RFTN1: variants seen among roughly 807,000 people sequenced by gnomAD.
RFTN1 encodes the protein raftlin.
RFTN1 carries 26 observed loss-of-function variants against 46.5 expected under a neutral mutation model. The observed-to-expected ratio is 0.56, with a 90% CI of 0.41 to 0.78. The LOEUF (loss-of-function observed/expected upper bound fraction) is 0.78. Among genes scored for constraint, RFTN1 ranks in the 30% least tolerant of loss-of-function variants. RFTN1 has a pLI of 0.00. For synonymous variants in RFTN1, 261 were observed against 284.2 expected, an observed-to-expected ratio of 0.92 and a Z score of 0.82; for missense variants, 693 against 718.7, an observed-to-expected ratio of 0.96 and a Z score of 0.41.
At position 16,374,644 on chromosome 3, in the gene RFTN1, C is replaced by T. The variant is rs2073673658; in HGVS notation, c.826+3074G>A. Reference sequence around the variant, plus strand: ...GGTAGGAAGGGCAGTGCTTGGAAGACTTGTTATTTTGGTGACGGTGAGAAT... The same window carrying T: ...GGTAGGAAGGGCAGTGCTTGGAAGATTTGTTATTTTGGTGACGGTGAGAAT... On this transcript the variant is annotated intron_variant, in intron 5 of 9. Transcript: ENST00000334133. This position sits in a 1 kb window ranked among gnomAD's most constrained non-coding sequence, Gnocchi z 5.4. Among the ~76,000 whole-genome samples the T allele has an allele frequency of 6.6e-6, 1 of 152,186 alleles. No homozygotes were observed. The highest frequency in any genetic ancestry group is 1.5e-5 in the Non-Finnish European group (1 of 68,030).
At chr3:16,350,857 G>C (rs1178083958) in intron 7 of RFTN1, among the ~76,000 whole-genome samples, 2 of 152,164 alleles carry the variant, frequency 1.3e-5, no homozygotes, top group Non-Finnish European at 2.9e-5. Context: ...AGAAACTGTG[G>C]CAATAGAAGA....
chr3:16,326,808 G>A lies in RFTN1; in HGVS notation c.1215C>T (p.Thr405=). 1 of 1,614,096 alleles carries A rather than the reference G, an allele frequency of 6.2e-7. No homozygotes were observed. The highest frequency in any genetic ancestry group is 8.5e-7 in the Non-Finnish European group (1 of 1,179,992). The change falls in exon 8 of 10, where the codon ACC becomes ACT. Residue 405 remains threonine (T), a synonymous_variant. Transcript: ENST00000334133. ...NSLAAYGWQL[T]CVLPTPVVKT... is the part of the protein sequence containing the mutation. ...TGACGACGGGAGTTGGTAGCACACA[G>A]GTGAGCTGCCAGCCATAGGCCGCCA...
At chr3:16,477,622 C>T (rs758825672) in intron 2 of RFTN1, among the ~76,000 whole-genome samples, 6 of 152,210 alleles carry the variant, frequency 3.9e-5, no homozygotes, top group Admixed American at 6.5e-5. Flanking sequence ...TTACCACTGA[C>T]GGCAGCGACC....
At chr3:16,392,012 C>T (rs1864259) in intron 4 of RFTN1, among the ~76,000 whole-genome samples, 24,539 of 151,066 alleles carry the variant, frequency 0.16, 2,243 homozygotes, top group East Asian at 0.3. Context: ...AATTCTGGAA[C>T]TGGGTTTAAA....
chr3:16,502,625 G>A (rs892730891), intron 1 of RFTN1, among the ~76,000 whole-genome samples: 1 of 152,192 alleles, frequency 6.6e-6, no homozygotes, highest in African/African-American at 2.4e-5. Flanking sequence ...TCGTTCTGGG[G>A]GAAGCCAGCT....
intron 2 of RFTN1, among the ~76,000 whole-genome samples, chr3:16,469,101 T>C (rs1367004694): frequency 6.6e-6 from 1 of 152,244 alleles, no homozygotes. Context: ...ACAGGTTACA[T>C]GTGAAAAATA....
At chr3:16,508,520 A>G (rs1399165322) in intron 1 of RFTN1, among the ~76,000 whole-genome samples, 1 of 152,212 alleles carries the variant, frequency 6.6e-6, no homozygotes, top group Non-Finnish European at 1.5e-5. Flanking sequence ...AGAGCAAGGA[A>G]TTAGCCGGGT....
intron 1 of RFTN1, among the ~76,000 whole-genome samples, chr3:16,495,635 G>A (rs935548100): frequency 6.6e-6 from 1 of 152,244 alleles, no homozygotes; most frequent in Non-Finnish European, 1.5e-5. Flanking sequence ...AAGAGCAAAG[G>A]CATGGAGGCA....
intron 2 of RFTN1, among the ~76,000 whole-genome samples, chr3:16,439,495 T>C (rs1317229856): frequency 6.6e-6 from 1 of 152,240 alleles, no homozygotes; most frequent in East Asian, 1.9e-4. Context: ...GGATGGGCAA[T>C]TGCAAAAGGC....
At position 16,433,668 on chromosome 3, in the gene RFTN1, C is replaced by T. The variant is rs971065324; in HGVS notation, c.332+183G>A. The stretch of plus-strand genomic sequence containing the variant: ...AGTTGGACATGCATTTGTTTTTCAT[C>T]GCAGGATGCTAGGAAAGAAACCTCT... On this transcript the variant is annotated intron_variant, in intron 3 of 9. Transcript: ENST00000334133. This position sits in a 1 kb window ranked among gnomAD's most constrained non-coding sequence, Gnocchi z 4.4. Among the ~76,000 whole-genome samples, 1 of 152,168 alleles carries T rather than the reference C, an allele frequency of 6.6e-6. No individual in the cohort carries two copies. The highest frequency in any genetic ancestry group is 2.4e-5 in the African/African-American group (1 of 41,440).
chr3:16,406,736 T>C (rs1195871495), intron 4 of RFTN1, among the ~76,000 whole-genome samples: 1 of 152,214 alleles, frequency 6.6e-6, no homozygotes, highest in East Asian at 1.9e-4. Context: ...CCAATTTTCT[T>C]CTCAAGGTTA....
At chr3:16,330,532 GC>G (rs750565791) in intron 7 of RFTN1, among the ~76,000 whole-genome samples, 1 of 152,154 alleles carries the variant, frequency 6.6e-6, no homozygotes, top group Non-Finnish European at 1.5e-5. Flanking sequence ...TCAAAAGCCA[GC>G]CTGCTTATCA....
At position 16,422,917 on chromosome 3, in the gene RFTN1, A is replaced by C. The variant is rs1448223353; in HGVS notation, c.332+10934T>G. On this transcript the variant is annotated intron_variant, in intron 3 of 9. Coordinates refer to ENST00000334133, the MANE Select transcript of RFTN1 (RefSeq NM_015150.2). This position sits in a 1 kb window ranked among gnomAD's most constrained non-coding sequence, Gnocchi z 4.6. ...TGCAGTGGCTCACGCCTGTAATCCC[A>C]GCACTTTGGGAGGCCGAAGTGGGTG... is the stretch of plus-strand genomic sequence containing the variant. Among the ~76,000 whole-genome samples, 2 of 152,146 alleles carry C rather than the reference A, an allele frequency of 1.3e-5. No individual in the cohort carries two copies. The highest frequency in any genetic ancestry group is 2.9e-5 in the Non-Finnish European group (2 of 68,020).
chr3:16,454,611 G>A (rs2075874122), intron 2 of RFTN1, among the ~76,000 whole-genome samples: 1 of 152,184 alleles, frequency 6.6e-6, no homozygotes, highest in African/African-American at 2.4e-5. Context: ...TGGGGGAATT[G>A]GGTAGATGGA....
rs1443881628 is a variant in RFTN1, at chr3:16,337,846, A to C, written c.1147-10970T>G. Among the ~76,000 whole-genome samples, 3 of 152,122 alleles carry C rather than the reference A, an allele frequency of 2.0e-5. No homozygotes were observed. The East Asian group carries it at 5.8e-4, about 29-fold the overall frequency. ...GTGTTCCTAATTTGTCACCACACTC[A>C]AGGCTGGCACACCTAGCCCTTATTT... On this transcript the variant is annotated intron_variant, in intron 7 of 9. Coordinates refer to ENST00000334133, the MANE Select transcript of RFTN1 (RefSeq NM_015150.2). The surrounding 1 kb of genome is among the most constrained non-coding windows in gnomAD (Gnocchi z 5.0).
In RFTN1 at chr3:16,370,323, G is replaced by A. The variant is rs1344455228; in HGVS notation, c.827-44C>T. On this transcript the variant is annotated intron_variant, in intron 5 of 9. Coordinates refer to ENST00000334133, the MANE Select transcript of RFTN1 (RefSeq NM_015150.2). This position sits in a 1 kb window ranked among gnomAD's most constrained non-coding sequence, Gnocchi z 5.5. ...GGAGTGGAGAGAGAAGAGGTCAACT[G>A]ATGATAAAAATCTGTTTCATCGGCT... The A allele has an allele frequency of 1.3e-6, 2 of 1,581,180 alleles. No individual in the cohort carries two copies. Among genetic ancestry groups the A allele is most frequent in the African/African-American group, 2.7e-5 (2 of 74,210 alleles).
At chr3:16,495,894 G>C (rs2076617548) in intron 1 of RFTN1, among the ~76,000 whole-genome samples, 1 of 152,262 alleles carries the variant, frequency 6.6e-6, no homozygotes, top group Admixed American at 6.5e-5. Flanking sequence ...GTATGTGGCA[G>C]TGCTGCTTCA....
Position 16,321,429 on chromosome 3 carries a change from C to T in RFTN1, c.1332+1947G>A, listed in dbSNP as rs183481212. On this transcript the variant is annotated intron_variant, in intron 9 of 9. Transcript: ENST00000334133. This position sits in a 1 kb window ranked among gnomAD's most constrained non-coding sequence, Gnocchi z 4.8. Reference sequence around the variant, plus strand: ...AGGGAGTGGGGGTGGTCCCAACATCCGGGCTGCAAGAGCTCAGGCATGATG... The same window carrying T: ...AGGGAGTGGGGGTGGTCCCAACATCTGGGCTGCAAGAGCTCAGGCATGATG... 3.8e-4 allele frequency among the ~76,000 whole-genome samples: 58 copies of T among 152,204 alleles called. No homozygotes were observed. Among genetic ancestry groups the T allele is most frequent in the Admixed American group, 3.5e-3 (54 of 15,292 alleles).
intron 2 of RFTN1, among the ~76,000 whole-genome samples, chr3:16,485,160 G>A (rs541125296): frequency 2.6e-5 from 4 of 152,082 alleles, no homozygotes; most frequent in South Asian, 2.1e-4. Flanking sequence ...ACACTTGTTC[G>A]TGGATATTCA....
Sources: gnomAD v4.1 joint callset for allele counts (sites outside exome capture counted in the v4.1 genomes callset) on GRCh38, gnomAD v4.1.1 for gene constraint, Gnocchi (gnomAD v3.1) non-coding constraint, MANE v1.5 for transcripts, NCBI Gene and HGNC (gene_info 2026-07-23, HGNC 2026-07-21) for gene names.